CLDN16: variants seen among roughly 807,000 people sequenced by gnomAD.
CLDN16 encodes the protein claudin 16.
Under a neutral mutation model 24.6 loss-of-function variants are expected in CLDN16, and 13 were observed. The ratio of observed to expected loss-of-function variants is 0.53; its 90% CI spans 0.34 to 0.84. CLDN16 has a LOEUF of 0.84. Ranked by LOEUF, CLDN16 falls within the 40% of genes least tolerant of loss-of-function variation. The pLI, the probability that CLDN16 is intolerant of heterozygous loss-of-function variation, is 0.01. For missense variants in CLDN16, 298 were observed against 292.7 expected, an observed-to-expected ratio of 1.02 and a Z score of -0.13; for synonymous variants, 116 against 106.7, an observed-to-expected ratio of 1.09 and a Z score of -0.54.
intron 1 of CLDN16, among the ~76,000 whole-genome samples, chr3:190,358,471 G>A (rs1021584284): frequency 1.4e-4 from 21 of 151,838 alleles, no homozygotes; most frequent in Admixed American, 8.5e-4. Flanking sequence ...ACAAACACAC[G>A]GATCAGTCAG....
At chr3:190,404,350 T>A (rs1455411284) in intron 2 of CLDN16, among the ~76,000 whole-genome samples, 5 of 152,150 alleles carry the variant, frequency 3.3e-5, no homozygotes, top group Non-Finnish European at 5.9e-5. Flanking sequence ...TAAAAAAAAA[T>A]TAAAGTGATT....
At chr3:190,370,697 T>G (rs1718121601) in intron 1 of CLDN16, among the ~76,000 whole-genome samples, 1 of 151,958 alleles carries the variant, frequency 6.6e-6, no homozygotes, top group Admixed American at 6.6e-5. Flanking sequence ...AAGTATTGAT[T>G]CCTGGTGTGT....
At chr3:190,398,630 C>A (rs1191483820) in intron 1 of CLDN16, among the ~76,000 whole-genome samples, 1 of 152,160 alleles carries the variant, frequency 6.6e-6, no homozygotes, top group African/African-American at 2.4e-5. Flanking sequence ...TCTTTCTCCA[C>A]CTTCACTGTG....
intron 1 of CLDN16, among the ~76,000 whole-genome samples, chr3:190,365,226 T>A (rs1717995037): frequency 6.6e-6 from 1 of 151,962 alleles, no homozygotes; most frequent in Admixed American, 6.6e-5. Context: ...ACCACTGGCC[T>A]ATGTTCTTTT....
intron 3 of CLDN16, among the ~76,000 whole-genome samples, chr3:190,377,551 A>G (rs530385396): frequency 6.6e-6 from 1 of 152,138 alleles, no homozygotes; most frequent in South Asian, 2.1e-4. Flanking sequence ...TTCTCTGTTT[A>G]AAGTCTCCTT....
chr3:190,296,437 T>C, the CLDN16 span, among the ~76,000 whole-genome samples: 1 of 152,134 alleles, frequency 6.6e-6, no homozygotes, highest in African/African-American at 2.4e-5. Flanking sequence ...GTTTAAGATG[T>C]GCACTTGTTA....
At chr3:190,360,015 A>G (rs891120845) in intron 1 of CLDN16, among the ~76,000 whole-genome samples, 2 of 151,962 alleles carry the variant, frequency 1.3e-5, no homozygotes, top group East Asian at 1.9e-4. Context: ...GGTTGAAGCT[A>G]TGTTGGGTTG....
chr3:190,312,579 A>G, the CLDN16 span, among the ~76,000 whole-genome samples: 1 of 152,170 alleles, frequency 6.6e-6, no homozygotes, highest in African/African-American at 2.4e-5. Flanking sequence ...AATTACATGA[A>G]CTTCCTCCTT....
intron 3 of CLDN16, among the ~76,000 whole-genome samples, chr3:190,407,439 C>T (rs1446597590): frequency 1.3e-5 from 2 of 152,116 alleles, no homozygotes; most frequent in Non-Finnish European, 1.5e-5. Flanking sequence ...ACTTAGACAA[C>T]ATATAGATTA....
At chr3:190,387,998 G>T, upstream of CLDN16, 2 of 913,080 alleles carry the variant, frequency 2.2e-6, no homozygotes, top group Non-Finnish European at 3.4e-6. Flanking sequence ...ACTTGGTCTG[G>T]TGACCACCAC....
the CLDN16 span, chr3:190,310,388 G>A: frequency 1.5e-6 from 1 of 664,614 alleles, no homozygotes; most frequent in African/African-American, 1.8e-5. Flanking sequence ...TTGGTATTAG[G>A]GAGATTAGAA....
chr3:190,327,757 C>A (rs567773007), intron 1 of CLDN16, among the ~76,000 whole-genome samples: 1 of 152,284 alleles, frequency 6.6e-6, no homozygotes, highest in African/African-American at 2.4e-5. Flanking sequence ...GCCACCAAAT[C>A]AGAGTCATAT....
At chr3:190,404,329 T>C (rs1387499404) in intron 2 of CLDN16, among the ~76,000 whole-genome samples, 1 of 152,094 alleles carries the variant, frequency 6.6e-6, no homozygotes, top group African/African-American at 2.4e-5. Flanking sequence ...TAGCCAATTA[T>C]TATTTTTAAA....
chr3:190,358,708 A>G (rs1033332371), intron 1 of CLDN16, among the ~76,000 whole-genome samples: 6 of 152,022 alleles, frequency 3.9e-5, no homozygotes, highest in Non-Finnish European at 8.8e-5. Flanking sequence ...TCAACAGGCT[A>G]ATATTGTATT....
chr3:190,337,342 T>C (rs6789816), intron 1 of CLDN16, among the ~76,000 whole-genome samples: 5,917 of 152,246 alleles, frequency 0.039, 384 homozygotes, highest in African/African-American at 0.13. Context: ...TGGATGAACA[T>C]ATGGAAATGG....
intron 1 of CLDN16, among the ~76,000 whole-genome samples, chr3:190,330,352 ACT>A (rs959289333): frequency 3.8e-4 from 58 of 152,228 alleles, no homozygotes; most frequent in African/African-American, 1.4e-3. Context: ...ACTGAGGCTC[ACT>A]CTCTGTGTGT....
chr3:190,379,515 G>A (rs902769237), intron 3 of CLDN16, among the ~76,000 whole-genome samples: 1 of 152,186 alleles, frequency 6.6e-6, no homozygotes, highest in African/African-American at 2.4e-5. Flanking sequence ...CAACATATAT[G>A]TATTAAAACC....
At chr3:190,340,234 C>T (rs1215926043) in intron 1 of CLDN16, among the ~76,000 whole-genome samples, 1 of 152,168 alleles carries the variant, frequency 6.6e-6, no homozygotes, top group Non-Finnish European at 1.5e-5. Flanking sequence ...GACAGCATTT[C>T]CTCTGAGATC....
At chr3:190,384,817 C>T (rs575138475), upstream of CLDN16, among the ~76,000 whole-genome samples, 340 of 152,196 alleles carry the variant, frequency 2.2e-3, no homozygotes, top group African/African-American at 7.7e-3. Context: ...CACTGGTGAA[C>T]GAAAGATGTC....
Sources: allele counts gnomAD v4.1 joint callset (sites outside exome capture counted in the v4.1 genomes callset), GRCh38; gene constraint gnomAD v4.1.1; transcripts MANE v1.5; gene names NCBI Gene and HGNC (gene_info 2026-07-23, HGNC 2026-07-21).